The following CLEC18A variants were observed in gnomAD, a reference collection of about 807,000 sequenced individuals.
CLEC18A encodes the protein C-type lectin domain family 18 member A.
A neutral mutation model predicts 24.0 loss-of-function variants in CLEC18A; 5 were observed. The observed-to-expected ratio is 0.21, with a 90% CI of 0.11 to 0.44. CLEC18A has a LOEUF of 0.44. Ranked by LOEUF, CLEC18A falls within the 20% of genes least tolerant of loss-of-function variation. The pLI, the probability that CLEC18A is intolerant of heterozygous loss-of-function variation, is 0.99. For missense variants in CLEC18A, 83 were observed against 233.4 expected (o/e 0.36, Z 4.20); for synonymous variants, 29 against 100.1 (o/e 0.29, Z 4.24).
the CLEC18A span, among the ~76,000 whole-genome samples, chr16:69,944,143 A>G: frequency 3.7e-5 from 5 of 133,944 alleles, no homozygotes; most frequent in African/African-American, 9.8e-5. Flanking sequence ...TAAAAATACA[A>G]AAATTAGCCG....
intron 2 of CLEC18A, chr16:69,953,339 G>A (rs2152013528): frequency 2.6e-5 from 4 of 151,302 alleles, no homozygotes; most frequent in Admixed American, 2.6e-4. Context: ...CATTAGTGCA[G>A]GATGAAGTTG....
downstream of CLEC18A, among the ~76,000 whole-genome samples, chr16:69,965,287 G>T (rs2152022822): frequency 6.6e-6 from 1 of 152,072 alleles, no homozygotes; most frequent in Non-Finnish European, 1.5e-5. Context: ...AAGGTCGCCT[G>T]CGAGCGCCAG....
upstream of CLEC18A, among the ~76,000 whole-genome samples, chr16:69,948,651 A>C (rs1351789030): frequency 6.7e-6 from 1 of 150,044 alleles, no homozygotes; most frequent in East Asian, 2.0e-4. Flanking sequence ...CTGCCTTGCA[A>C]CAATGAGGCT....
chr16:69,954,737 G>A (rs1265812749), intron 3 of CLEC18A, 164 bp downstream of exon 3: 3 of 978,342 alleles, frequency 3.1e-6, no homozygotes, highest in Non-Finnish European at 3.6e-6. Context: ...TTGCTCTGTT[G>A]CCCAGGCTAG....
downstream of CLEC18A, among the ~76,000 whole-genome samples, chr16:69,965,247 G>A (rs1181957380): frequency 3.9e-5 from 6 of 152,034 alleles, no homozygotes; most frequent in South Asian, 4.2e-4. Context: ...AAGGCGCTGA[G>A]CCCCCTGATC....
At chr16:69,951,968 A>T in intron 1 of CLEC18A, 67 bp from the exon 2 acceptor site, 1 of 466,746 alleles carries the variant, frequency 2.1e-6, no homozygotes. Flanking sequence ...ACACATGCTT[A>T]TTCTGCCGTG....
At chr16:69,950,191 G>A (rs1240592969), upstream of CLEC18A, among the ~76,000 whole-genome samples, 4 of 124,742 alleles carry the variant, frequency 3.2e-5, no homozygotes, top group African/African-American at 1.0e-4. Context: ...TTCCACTGGT[G>A]TTTCCCCAGG....
chr16:69,964,518 G>A (rs1194851721), downstream of CLEC18A: 1 of 106,530 alleles, frequency 9.4e-6, no homozygotes. Context: ...TTTTTTTTTT[G>A]AGACGGAGTC....
At chr16:69,957,163 G>A (rs1365058012) in intron 3 of CLEC18A, among the ~76,000 whole-genome samples, 7 of 146,268 alleles carry the variant, frequency 4.8e-5, no homozygotes, top group African/African-American at 1.8e-4. Flanking sequence ...CAATCATGAT[G>A]TTGTTTTTGT....
intron 3 of CLEC18A, among the ~76,000 whole-genome samples, chr16:69,954,905 G>C (rs1047126193): frequency 9.2e-5 from 14 of 152,072 alleles, no homozygotes; most frequent in Non-Finnish European, 1.8e-4. Flanking sequence ...TTACCATGTT[G>C]GCCAGGTTGG....
downstream of CLEC18A, among the ~76,000 whole-genome samples, chr16:69,964,967 ATTTTTTGTG>A (rs1451686918): frequency 5.9e-5 from 9 of 151,922 alleles, no homozygotes; most frequent in East Asian, 1.9e-4. Context: ...ACGCCCCGCT[ATTTTTTGTG>A]TTTTTTGTAG....
upstream of CLEC18A, among the ~76,000 whole-genome samples, chr16:69,948,379 T>TTTTTTTG (rs1555507356): frequency 2.9e-5 from 4 of 138,010 alleles, no homozygotes; most frequent in African/African-American, 1.1e-4. Flanking sequence ...TAAATGTTTT[T>TTTTTTTG]TTTGTTTGTT....
At chr16:69,945,394 A>T in the CLEC18A span, among the ~76,000 whole-genome samples, 13 of 152,344 alleles carry the variant, frequency 8.5e-5, no homozygotes, top group South Asian at 6.2e-4. Context: ...GATTACTAGA[A>T]GTTTCATAGC....
At chr16:69,954,051 G>T (rs1187468610) in intron 2 of CLEC18A, among the ~76,000 whole-genome samples, 1 of 136,548 alleles carries the variant, frequency 7.3e-6, no homozygotes, top group Non-Finnish European at 1.6e-5. Flanking sequence ...ATGACCAGAT[G>T]GGAGAAAGAC....
At position 69,954,593 on chromosome 16, in the gene CLEC18A, G is replaced by C; in HGVS notation, c.456+20G>C. The C allele has an allele frequency of 6.2e-7, 1 of 1,608,778 alleles. No homozygotes were observed. The highest frequency in any genetic ancestry group is 8.5e-7 in the Non-Finnish European group (1 of 1,177,320). On this transcript the variant is annotated intron_variant, in intron 3 of 11. Transcript: ENST00000288040. ...ACGCAGGTGAGTGTGCTGCAGGTGA[G>C]GCCAGTGTGCCAGCTCCCAGATACA...
At chr16:69,951,553 T>C in intron 1 of CLEC18A, 63 bp downstream of exon 1, 1 of 1,611,640 alleles carries the variant, frequency 6.2e-7, no homozygotes, top group Admixed American at 1.7e-5. Flanking sequence ...GAGTGGGTGC[T>C]AGGAGACTTC....
chr16:69,958,646 C>A (rs1209435473), intron 3 of CLEC18A, among the ~76,000 whole-genome samples: 4 of 44,408 alleles, frequency 9.0e-5, no homozygotes, highest in Non-Finnish European at 1.4e-4. Context: ...GCAGGAGAAT[C>A]ACATGAACCC....
At chr16:69,945,817 G>GTGCA (rs2058909245), upstream of CLEC18A, among the ~76,000 whole-genome samples, 1 of 152,190 alleles carries the variant, frequency 6.6e-6, no homozygotes, top group Non-Finnish European at 1.5e-5. Flanking sequence ...AATTGGCCAG[G>GTGCA]TGCAGTGGCT....
chr16:69,956,519 C>T (rs1455796929), intron 3 of CLEC18A, among the ~76,000 whole-genome samples: 10 of 118,006 alleles, frequency 8.5e-5, no homozygotes, highest in East Asian at 2.9e-4. Context: ...CCACACCCGG[C>T]TATTTTTTTG....
Sources: allele counts gnomAD v4.1 joint callset (sites outside exome capture counted in the v4.1 genomes callset), GRCh38; gene constraint gnomAD v4.1.1; transcripts MANE v1.5; gene names NCBI Gene and HGNC (gene_info 2026-07-23, HGNC 2026-07-21).